The following ANKRD26 variants were observed in gnomAD, a reference collection of about 807,000 sequenced individuals.
The protein encoded by ANKRD26 is ankyrin repeat domain-containing protein 26.
ANKRD26 carries 141 observed loss-of-function variants against 208.7 expected under a neutral mutation model. The ratio of observed to expected loss-of-function variants is 0.68; its 90% CI spans 0.59 to 0.78. The LOEUF (loss-of-function observed/expected upper bound fraction) is 0.78. Ranked by LOEUF, ANKRD26 falls within the 30% of genes least tolerant of loss-of-function variation. The pLI is 0.00. For missense variants in ANKRD26, 1,889 were observed against 1,938.7 expected (o/e 0.97, Z 0.48); for synonymous variants, 636 against 660.4 (o/e 0.96, Z 0.57).
the ANKRD26 span, among the ~76,000 whole-genome samples, chr10:26,951,272 C>A: frequency 6.6e-6 from 1 of 151,994 alleles, no homozygotes; most frequent in Non-Finnish European, 1.5e-5. Flanking sequence ...AGAGCTCACA[C>A]AAAGTTTGTA....
At chr10:27,033,701 T>C (rs962143823) in intron 24 of ANKRD26, among the ~76,000 whole-genome samples, 2 of 152,224 alleles carry the variant, frequency 1.3e-5, no homozygotes, top group Non-Finnish European at 2.9e-5. Flanking sequence ...GTGGAACTGG[T>C]AGTGATTAAT....
intron 24 of ANKRD26, 121 bp from the exon 25 acceptor site, chr10:27,033,498 C>T (rs1309098025): frequency 1.0e-6 from 1 of 983,262 alleles, no homozygotes; most frequent in Non-Finnish European, 1.5e-6. Context: ...TTACCACATA[C>T]ATTGATTCAC....
intron 3 of ANKRD26, among the ~76,000 whole-genome samples, chr10:26,986,761 A>T (rs2052395792): frequency 6.6e-6 from 1 of 152,276 alleles, no homozygotes; most frequent in South Asian, 2.1e-4. Flanking sequence ...AATGGTGATC[A>T]TTAAAAAGTC....
intron 25 of ANKRD26, among the ~76,000 whole-genome samples, chr10:27,031,008 C>T (rs1193376301): frequency 1.3e-5 from 2 of 152,134 alleles, no homozygotes. Flanking sequence ...TTGTTCTACA[C>T]AGACTAGACA....
rs750686407 is a variant in ANKRD26 at position 27,060,338 on chromosome 10, C to T, written c.1564+7G>A. Reference sequence around the variant, plus strand: ...TTCCAAGATTAAATATATATTGCAACATTTACCTGCTTTGGATGTTTGTAC... The same window carrying T: ...TTCCAAGATTAAATATATATTGCAATATTTACCTGCTTTGGATGTTTGTAC... On this transcript the variant is annotated splice_region_variant and intron_variant, in intron 15 of 33. Transcript: ENST00000376087. The T allele has an allele frequency of 3.1e-6, 5 of 1,593,164 alleles. No individual in the cohort carries two copies. The highest frequency in any genetic ancestry group is 1.3e-5 in the African/African-American group (1 of 74,500).
At chr10:27,062,249 T>C (rs539687868) in intron 12 of ANKRD26, 3 of 965,660 alleles carry the variant, frequency 3.1e-6, no homozygotes, top group South Asian at 9.6e-5. Flanking sequence ...TCTCCATCTC[T>C]TTGTTTCTTC....
intron 9 of ANKRD26, among the ~76,000 whole-genome samples, chr10:27,069,302 T>G (rs1564410133): frequency 6.7e-6 from 1 of 150,094 alleles, no homozygotes; most frequent in Non-Finnish European, 1.5e-5. Flanking sequence ...AAAACTGGAG[T>G]GCAAGATTTC....
downstream of ANKRD26, among the ~76,000 whole-genome samples, chr10:27,000,701 A>G (rs1168777994): frequency 6.6e-6 from 1 of 152,204 alleles, no homozygotes; most frequent in Non-Finnish European, 1.5e-5. Context: ...CAAGATCTCT[A>G]TAAGTTAACA....
chr10:27,095,406 G>A (rs963376289), intron 1 of ANKRD26, among the ~76,000 whole-genome samples: 6 of 152,168 alleles, frequency 3.9e-5, no homozygotes, highest in Middle Eastern at 3.2e-3. Context: ...AGTGGCTCAC[G>A]CCTGTAATCC....
intron 17 of ANKRD26, 61 bp downstream of exon 17, chr10:27,048,740 C>T: frequency 1.3e-6 from 2 of 1,524,662 alleles, no homozygotes; most frequent in Non-Finnish European, 9.0e-7. Flanking sequence ...AATATTAGTC[C>T]AAATTAGAAT....
chr10:27,022,117 C>G (rs931869942), intron 29 of ANKRD26, among the ~76,000 whole-genome samples: 4 of 152,024 alleles, frequency 2.6e-5, no homozygotes, highest in African/African-American at 9.7e-5. Context: ...TTGTCTGTTC[C>G]TATGTCCAGA....
rs2053998123 is a variant in ANKRD26, at chr10:27,035,043, AATCTCTCCTCTACAGACTC to A, written c.3388_3406del (p.Glu1130CysfsTer29). On this transcript the variant is annotated frameshift_variant, in exon 24 of 34. Coordinates refer to ENST00000376087, the MANE Select transcript of ANKRD26 (RefSeq NM_014915.3). LOFTEE classifies it high-confidence loss of function. The stretch of plus-strand genomic sequence containing the variant: ...CATATTCTCACTTTGTAGTTGAGAC[AATCTCTCCTCTACAGACTC>A]CTGCTTTCCAATGTATTTATTCACT... 6.2e-7 allele frequency: 1 copy of A among 1,613,954 alleles called. No homozygotes were observed. Among genetic ancestry groups the A allele is most frequent in the Non-Finnish European group, 8.5e-7 (1 of 1,179,912 alleles).
chr10:27,018,497 C>A lies in ANKRD26; in HGVS notation c.4216-705G>T, dbSNP rs909941900. Among the ~76,000 whole-genome samples, 19 of 148,920 alleles carry A rather than the reference C, an allele frequency of 1.3e-4. 1 individual carries two copies. Among genetic ancestry groups the A allele is most frequent in the Non-Finnish European group, 1.9e-4 (13 of 67,042 alleles). ...TCCTATTGAGTTATTTAGGCCTCATCAAAAAAAAAGGCTCCCAGAATAAGA... is the reference window on the plus strand; with the variant it reads ...TCCTATTGAGTTATTTAGGCCTCATAAAAAAAAAAGGCTCCCAGAATAAGA... On this transcript the variant is annotated intron_variant, in intron 29 of 33. Coordinates refer to ENST00000376087, the MANE Select transcript of ANKRD26 (RefSeq NM_014915.3).
At chr10:27,081,192 CCCT>C (rs1342734948) in intron 6 of ANKRD26, among the ~76,000 whole-genome samples, 6 of 152,218 alleles carry the variant, frequency 3.9e-5, no homozygotes, top group African/African-American at 1.4e-4. Context: ...CCCCTGAACC[CCCT>C]ATTTTAATAT....
chr10:27,097,636 C>CA (rs1554798815), intron 1 of ANKRD26, among the ~76,000 whole-genome samples: 1 of 148,912 alleles, frequency 6.7e-6, no homozygotes, highest in African/African-American at 2.5e-5. Flanking sequence ...TAATATTTAT[C>CA]TTTTTTTTGT....
In ANKRD26 at chr10:27,046,729, C is replaced by T. The variant is rs140774464; in HGVS notation, c.1815-206G>A. On this transcript the variant is annotated intron_variant, in intron 17 of 33. Transcript: ENST00000376087. ...AATTCATTCACTAATTCAAAAAACACGAATTACCAACAACATAAGAGAAAA... is the reference window on the plus strand; with the variant it reads ...AATTCATTCACTAATTCAAAAAACATGAATTACCAACAACATAAGAGAAAA... Among the ~76,000 whole-genome samples, 600 of 151,988 alleles carry T rather than the reference C, an allele frequency of 3.9e-3. 4 individuals carry two copies. The highest frequency in any genetic ancestry group is 6.7e-3 in the Admixed American group (103 of 15,260).
chr10:27,035,722 G>C lies in ANKRD26; in HGVS notation c.2728C>G (p.Leu910Val). ...NSHSHEEEKD[L>V]SHKNSMLQEE... ...TGCAACATGCTATTTTTATGCGATA[G>C]GTCTTTTTCTTCTTCATGACTATGA... is the stretch of plus-strand genomic sequence containing the variant. The change falls in exon 24 of 34, where the codon CTA (leucine) becomes GTA (valine). Residue 910 changes from leucine to valine, a missense_variant. Physicochemically the swap from Leu to Val is conservative, Grantham distance 32 (BLOSUM62 1). Coordinates refer to ENST00000376087, the MANE Select transcript of ANKRD26 (RefSeq NM_014915.3). 6.2e-7 allele frequency: 1 copy of C among 1,607,594 alleles called. No homozygotes were observed. Among genetic ancestry groups the C allele is most frequent in the Non-Finnish European group, 8.5e-7 (1 of 1,177,112 alleles).
In ANKRD26 at chr10:27,093,729, G is replaced by A; in HGVS notation, c.313C>T (p.Gln105Ter). The change falls in exon 2 of 34, where the codon CAG becomes TAG. Residue 105 changes from glutamine (Q) to a stop codon, truncating the protein, a stop_gained. Transcript: ENST00000376087. LOFTEE classifies it high-confidence loss of function. ...TTTTCGTTGTCACAGACATTGAGCT[G>A]GCATTTTCTGTCCACCAGGAGAGTT... ...VVTLLVDRKC[Q>*]LNVCDNENRT... The A allele has an allele frequency of 6.2e-7, 1 of 1,614,212 alleles. No individual in the cohort carries two copies. The highest frequency in any genetic ancestry group is 8.5e-7 in the Non-Finnish European group (1 of 1,180,038).
chr10:27,033,465 T>C (rs540875478), intron 24 of ANKRD26, 88 bp from the exon 25 acceptor site: 5 of 1,320,020 alleles, frequency 3.8e-6, no homozygotes, highest in Admixed American at 3.9e-5. Flanking sequence ...TATTTAACTA[T>C]GACATATACA....
Sources: allele counts gnomAD v4.1 joint callset (sites outside exome capture counted in the v4.1 genomes callset), GRCh38; gene constraint gnomAD v4.1.1; transcripts MANE v1.5; gene names NCBI Gene and HGNC (gene_info 2026-07-23, HGNC 2026-07-21).